Variants in NBAS observed in about 807,000 individuals in gnomAD.
NBAS encodes NAG/BC035112 fusion.
NBAS carries 219 observed loss-of-function variants against 302.5 expected under a neutral mutation model. The observed-to-expected ratio is 0.72, with a 90% CI of 0.65 to 0.81. The LOEUF is 0.81. Ranked by LOEUF, NBAS falls within the 30% of genes least tolerant of loss-of-function variation. The pLI, the probability that NBAS is intolerant of heterozygous loss-of-function variation, is 0.00. For synonymous variants in NBAS, 1,118 were observed against 1,021.6 expected (o/e 1.09, Z -1.80); for missense variants, 2,932 against 2,841.6 (o/e 1.03, Z -0.72).
chr2:15,112,098 G>T, the NBAS span, among the ~76,000 whole-genome samples: 1 of 151,022 alleles, frequency 6.6e-6, no homozygotes, highest in Non-Finnish European at 1.5e-5. Flanking sequence ...GATAATAAAA[G>T]CACACCAGAA....
At chr2:14,946,449 C>T in the NBAS span, among the ~76,000 whole-genome samples, 3 of 152,006 alleles carry the variant, frequency 2.0e-5, no homozygotes, top group African/African-American at 7.3e-5. Context: ...AAAAGAAGGT[C>T]ACTATATAAT....
At chr2:15,145,834 C>T in the NBAS span, among the ~76,000 whole-genome samples, 1 of 152,108 alleles carries the variant, frequency 6.6e-6, no homozygotes, top group Admixed American at 6.6e-5. Flanking sequence ...GGGCCCAGAA[C>T]ATGAGTTATA....
the NBAS span, among the ~76,000 whole-genome samples, chr2:14,911,850 G>T: frequency 5.3e-5 from 8 of 152,162 alleles, no homozygotes; most frequent in African/African-American, 1.9e-4. Context: ...GTAAAATAGG[G>T]ACAGTGACAC....
At chr2:14,932,536 C>T in the NBAS span, among the ~76,000 whole-genome samples, 1 of 152,208 alleles carries the variant, frequency 6.6e-6, no homozygotes, top group South Asian at 2.1e-4. Flanking sequence ...ATCATCTGCT[C>T]TCTTTGCCTT....
chr2:15,385,653 C>A (rs1572760101), intron 28 of NBAS, among the ~76,000 whole-genome samples: 2 of 152,078 alleles, frequency 1.3e-5, no homozygotes, highest in Non-Finnish European at 2.9e-5. Flanking sequence ...TACTCAAGTT[C>A]GTAAAACTTG....
the NBAS span, among the ~76,000 whole-genome samples, chr2:14,826,671 G>A: frequency 6.6e-6 from 1 of 152,220 alleles, no homozygotes; most frequent in Non-Finnish European, 1.5e-5. Context: ...GCACAAGAGA[G>A]GCTGACTGAG....
the NBAS span, among the ~76,000 whole-genome samples, chr2:14,787,295 T>C: frequency 1.3e-5 from 2 of 152,230 alleles, no homozygotes; most frequent in Admixed American, 1.3e-4. Flanking sequence ...TCTGTGTCTT[T>C]TAATTGGAGC....
Position 15,190,342 on chromosome 2 carries a change from T to A in NBAS, c.6494A>T (p.Glu2165Val), listed in dbSNP as rs1264799726. The change falls in exon 49 of 52, where the codon GAA becomes GTA. Residue 2165 changes from glutamate to valine, a missense_variant. Coordinates refer to ENST00000281513, the MANE Select transcript of NBAS (RefSeq NM_015909.4). Reference sequence around the variant, plus strand: ...AAATTCAGCCTCGTGGTGACTAGATTCCAGGAGTTCCATGAATAGACAGTA... The same window carrying A: ...AAATTCAGCCTCGTGGTGACTAGATACCAGGAGTTCCATGAATAGACAGTA... ...NRYCLFMELL[E>V]SSHHEAEFQH... 4 of 1,613,872 alleles carry A rather than the reference T, an allele frequency of 2.5e-6. No individual in the cohort carries two copies.
Position 15,415,534 on chromosome 2 carries a change from G to T in NBAS, c.2937+12C>A, listed in dbSNP as rs747484486. 1.2e-5 allele frequency: 19 copies of T among 1,613,234 alleles called. No individual in the cohort carries two copies. Among genetic ancestry groups the T allele is most frequent in the Non-Finnish European group, 1.5e-5 (18 of 1,179,196 alleles). On this transcript the variant is annotated intron_variant, in intron 25 of 51. Transcript: ENST00000281513. ...AAGTGCCCAGAATTTTAAGAAGTTA[G>T]TTTCTACTTACATCTGGTTTGGAAT...
chr2:14,795,263 C>T, the NBAS span, among the ~76,000 whole-genome samples: 1 of 152,118 alleles, frequency 6.6e-6, no homozygotes, highest in Non-Finnish European at 1.5e-5. Context: ...TCTACAAACA[C>T]CTAGTATCGT....
chr2:15,193,936 G>C (rs1370390597), intron 48 of NBAS, among the ~76,000 whole-genome samples: 2 of 151,866 alleles, frequency 1.3e-5, no homozygotes, highest in African/African-American at 4.8e-5. Flanking sequence ...TAAAAAGAAA[G>C]TACACTAGCC....
the NBAS span, among the ~76,000 whole-genome samples, chr2:14,973,084 G>C: frequency 6.6e-6 from 1 of 152,102 alleles, no homozygotes; most frequent in South Asian, 2.1e-4. Context: ...CAGGTATTCT[G>C]GTAATACTGA....
At chr2:15,397,948 C>T (rs1410128732) in intron 26 of NBAS, among the ~76,000 whole-genome samples, 1 of 152,144 alleles carries the variant, frequency 6.6e-6, no homozygotes. Context: ...AACAATTAAT[C>T]AGTGCAACTT....
At chr2:14,816,031 CT>C in the NBAS span, among the ~76,000 whole-genome samples, 4 of 152,140 alleles carry the variant, frequency 2.6e-5, no homozygotes, top group African/African-American at 9.7e-5. Flanking sequence ...ATTCTTTTGC[CT>C]CTCCATTTCT....
the NBAS span, among the ~76,000 whole-genome samples, chr2:15,005,308 C>A: frequency 6.6e-6 from 1 of 152,224 alleles, no homozygotes; most frequent in African/African-American, 2.4e-5. Flanking sequence ...ACATCCCTGG[C>A]AGCCACCGTT....
the NBAS span, among the ~76,000 whole-genome samples, chr2:14,910,744 A>G: frequency 6.6e-6 from 1 of 152,224 alleles, no homozygotes; most frequent in Non-Finnish European, 1.5e-5. Flanking sequence ...AGGATTTAAT[A>G]TCTGATTTTC....
At chr2:15,408,829 T>G (rs1034330854) in intron 25 of NBAS, among the ~76,000 whole-genome samples, 4 of 152,172 alleles carry the variant, frequency 2.6e-5, no homozygotes, top group African/African-American at 7.2e-5. Context: ...GTCATAAAAA[T>G]TAAATGAGTT....
the NBAS span, among the ~76,000 whole-genome samples, chr2:15,025,657 TCTC>T: frequency 1.3e-5 from 2 of 152,144 alleles, no homozygotes; most frequent in Non-Finnish European, 2.9e-5. Context: ...GGTTTGTAAT[TCTC>T]CTTGTAAAGA....
chr2:14,848,262 C>T, the NBAS span, among the ~76,000 whole-genome samples: 381 of 150,490 alleles, frequency 2.5e-3, no homozygotes, highest in Middle Eastern at 6.8e-3. Context: ...ATTGCCTCAC[C>T]TGGGAAGCGC....
Sources: allele counts gnomAD v4.1 joint callset (sites outside exome capture counted in the v4.1 genomes callset), GRCh38; gene constraint gnomAD v4.1.1; transcripts MANE v1.5; gene names NCBI Gene and HGNC (gene_info 2026-07-23, HGNC 2026-07-21).